Variants in GRID1 observed in about 807,000 individuals in gnomAD.
The protein encoded by GRID1 is glutamate receptor ionotropic, delta-1.
In GRID1, 28 loss-of-function variants were observed where a neutral mutation model predicts 98.0. The observed-to-expected ratio is 0.29, with a 90% CI of 0.21 to 0.39. The LOEUF (loss-of-function observed/expected upper bound fraction) is 0.39. Ranked by LOEUF, GRID1 falls within the 10% of genes least tolerant of loss-of-function variation. The pLI, the probability that GRID1 is intolerant of heterozygous loss-of-function variation, is 1.00. For synonymous variants in GRID1, 553 were observed against 538.5 expected (o/e 1.03, Z -0.37); for missense variants, 1,111 against 1,340.5 (o/e 0.83, Z 2.67).
chr10:86,317,197 T>C (rs548183830), intron 2 of GRID1, among the ~76,000 whole-genome samples: 75 of 152,290 alleles, frequency 4.9e-4, no homozygotes, highest in African/African-American at 1.6e-3. Context: ...CAAGTCTGCA[T>C]AGCCGCCCCT....
intron 3 of GRID1, among the ~76,000 whole-genome samples, chr10:86,172,311 C>T (rs59560464): frequency 9.9e-4 from 151 of 152,296 alleles, no homozygotes; most frequent in African/African-American, 3.4e-3. Flanking sequence ...AGGTTCATCG[C>T]TACCCTAGCA....
chr10:85,697,335 G>A (rs1024703937), intron 12 of GRID1, among the ~76,000 whole-genome samples: 7 of 151,952 alleles, frequency 4.6e-5, no homozygotes, highest in Non-Finnish European at 1.0e-4. Context: ...TTTTCTCTCT[G>A]GTGAATTTGT....
At chr10:85,965,231 T>C (rs1340259750) in intron 4 of GRID1, among the ~76,000 whole-genome samples, 1 of 152,218 alleles carries the variant, frequency 6.6e-6, no homozygotes, top group Non-Finnish European at 1.5e-5. Flanking sequence ...AGTGTGGCAA[T>C]TCCTCAAGGA....
chr10:86,054,926 GC>G (rs1358446767), intron 4 of GRID1, among the ~76,000 whole-genome samples: 3 of 152,206 alleles, frequency 2.0e-5, no homozygotes, highest in African/African-American at 7.2e-5. Flanking sequence ...GAAGTGACGT[GC>G]CACTTCTGAG....
intron 8 of GRID1, among the ~76,000 whole-genome samples, chr10:85,810,072 C>G (rs1412941469): frequency 6.6e-6 from 1 of 151,890 alleles, no homozygotes; most frequent in Non-Finnish European, 1.5e-5. Flanking sequence ...GTGTGCTCTG[C>G]CCTGGGGGCC....
chr10:85,864,171 A>G (rs945827912), intron 6 of GRID1, among the ~76,000 whole-genome samples: 1 of 152,328 alleles, frequency 6.6e-6, no homozygotes, highest in South Asian at 2.1e-4. Flanking sequence ...AAGTTAGACA[A>G]GCAGCTGACA....
At chr10:86,327,518 G>A (rs982397430) in intron 2 of GRID1, among the ~76,000 whole-genome samples, 5 of 152,148 alleles carry the variant, frequency 3.3e-5, no homozygotes, top group Non-Finnish European at 1.5e-5. Context: ...CTGCTCTTTC[G>A]GAAGTTTTAT....
At chr10:85,927,953 A>G (rs1414747253) in intron 4 of GRID1, among the ~76,000 whole-genome samples, 4 of 152,252 alleles carry the variant, frequency 2.6e-5, no homozygotes, top group African/African-American at 7.2e-5. Context: ...GCCCAGGAAG[A>G]AAAGGATGGA....
chr10:86,129,286 C>T (rs1215967157), intron 4 of GRID1, among the ~76,000 whole-genome samples: 1 of 152,188 alleles, frequency 6.6e-6, no homozygotes, highest in Non-Finnish European at 1.5e-5. Context: ...GCAATGTTCA[C>T]CTAGTCTGCT....
Position 85,997,537 on chromosome 10 carries a change from T to C in GRID1, c.727-81298A>G, listed in dbSNP as rs115793393. Among the ~76,000 whole-genome samples the C allele has an allele frequency of 9.3e-3, 1,409 of 152,290 alleles. 24 individuals carry two copies. The highest frequency in any genetic ancestry group is 0.031 in the African/African-American group (1,306 of 41,544). On this transcript the variant is annotated intron_variant, in intron 4 of 15. Transcript: ENST00000327946. ...TACACTATAAAAACGTAAGTATGCATATTGTAATCTCCAAAGCAATATTAT... is the reference window on the plus strand; with the variant it reads ...TACACTATAAAAACGTAAGTATGCACATTGTAATCTCCAAAGCAATATTAT...
chr10:85,810,850 C>G (rs1227454247), intron 8 of GRID1, among the ~76,000 whole-genome samples: 4 of 152,186 alleles, frequency 2.6e-5, no homozygotes, highest in Non-Finnish European at 5.9e-5. Context: ...GCCAGCCAAA[C>G]AGGCATGACT....
intron 6 of GRID1, among the ~76,000 whole-genome samples, chr10:85,861,576 C>G (rs1843164491): frequency 6.6e-6 from 1 of 152,214 alleles, no homozygotes; most frequent in Non-Finnish European, 1.5e-5. Flanking sequence ...TACCCTGACT[C>G]TGGTTCCTGA....
chr10:85,978,657 A>G (rs1264047096), intron 4 of GRID1, among the ~76,000 whole-genome samples: 2 of 152,144 alleles, frequency 1.3e-5, no homozygotes, highest in African/African-American at 4.8e-5. Flanking sequence ...ACTACATGCT[A>G]GAAACACTGT....
chr10:85,665,298 G>A (rs961520038), intron 12 of GRID1, among the ~76,000 whole-genome samples: 3 of 152,150 alleles, frequency 2.0e-5, no homozygotes, highest in African/African-American at 4.8e-5. Flanking sequence ...TCAACCTACA[G>A]ATCCAAAGTC....
At chr10:85,877,825 G>A (rs948845493) in intron 5 of GRID1, among the ~76,000 whole-genome samples, 1 of 152,152 alleles carries the variant, frequency 6.6e-6, no homozygotes, top group East Asian at 1.9e-4. Flanking sequence ...AATACTCCGA[G>A]CTATAGGAGG....
At position 86,138,844 on chromosome 10, in the gene GRID1, T is replaced by C. The variant is rs747806109; in HGVS notation, c.701A>G (p.Gln234Arg). The change falls in exon 4 of 16, where the codon CAG (glutamine) becomes CGG (arginine). Residue 234 changes from glutamine to arginine, a missense_variant. Gln to Arg is a conservative substitution (Grantham distance 43). This residue lies in a region of GRID1 where 346 missense variants were observed against 452.3 expected (regional missense o/e 0.76). Transcript: ENST00000327946. ...CTCGTTGATGAAGGAGTGGGCTCCC[T>C]GTGGGCTGAGCAGCAGGATGGCGCG... is the stretch of plus-strand genomic sequence containing the variant. ...LRRAILLLSP[Q>R]GAHSFINEAV... 3.1e-6 allele frequency: 5 copies of C among 1,614,070 alleles called. No homozygotes were observed. In the African/African-American group the frequency reaches 5.3e-5, roughly 17 times the overall value.
At chr10:85,932,726 C>A (rs932908361) in intron 4 of GRID1, among the ~76,000 whole-genome samples, 1 of 152,148 alleles carries the variant, frequency 6.6e-6, no homozygotes, top group Non-Finnish European at 1.5e-5. Flanking sequence ...TCAATAAATT[C>A]TCCTTTTCCT....
intron 5 of GRID1, among the ~76,000 whole-genome samples, chr10:85,901,139 G>C (rs1433063216): frequency 1.3e-5 from 2 of 152,158 alleles, no homozygotes; most frequent in Non-Finnish European, 2.9e-5. Flanking sequence ...ATTTACTAAA[G>C]TACAAAGGCA....
intron 2 of GRID1, among the ~76,000 whole-genome samples, chr10:86,230,497 T>C (rs913215262): frequency 1.3e-5 from 2 of 152,172 alleles, no homozygotes; most frequent in Non-Finnish European, 2.9e-5. Flanking sequence ...AAACGGCTTC[T>C]CCTGATCAGC....
Sources: gnomAD v4.1 joint callset for allele counts (sites outside exome capture counted in the v4.1 genomes callset) on GRCh38, gnomAD v4.1.1 for gene constraint, gnomAD v4.1.1 regional missense constraint, MANE v1.5 for transcripts, NCBI Gene and HGNC (gene_info 2026-07-23, HGNC 2026-07-21) for gene names.